Variants in ZDHHC14 observed in about 807,000 individuals in gnomAD.
The protein encoded by ZDHHC14 is zDHHC palmitoyltransferase 14.
ZDHHC14 carries 16 observed loss-of-function variants against 47.7 expected under a neutral mutation model. The observed-to-expected ratio is 0.34, with a 90% CI of 0.23 to 0.51. The LOEUF is 0.51. Among genes scored for constraint, ZDHHC14 ranks in the 20% least tolerant of loss-of-function variants. The pLI, the probability that ZDHHC14 is intolerant of heterozygous loss-of-function variation, is 0.97. For synonymous variants in ZDHHC14, 293 were observed against 278.9 expected (o/e 1.05, Z -0.50); for missense variants, 515 against 662.5 (o/e 0.78, Z 2.44).
At chr6:157,512,214 A>G (rs376756265) in intron 1 of ZDHHC14, among the ~76,000 whole-genome samples, 1 of 152,216 alleles carries the variant, frequency 6.6e-6, no homozygotes, top group South Asian at 2.1e-4. Context: ...ATGGCAAGTA[A>G]GTGTGGAGCC....
chr6:157,590,787 C>A (rs1226871069), intron 2 of ZDHHC14, among the ~76,000 whole-genome samples: 1 of 152,214 alleles, frequency 6.6e-6, no homozygotes, highest in African/African-American at 2.4e-5. Context: ...CCACTGACAT[C>A]TTGCACTGTG....
chr6:157,492,934 G>A (rs1040127123), intron 1 of ZDHHC14, among the ~76,000 whole-genome samples: 2 of 152,176 alleles, frequency 1.3e-5, no homozygotes, highest in Non-Finnish European at 2.9e-5. Flanking sequence ...AGGGAAGGCA[G>A]GGAGGGAAGG....
chr6:157,545,306 A>G (rs998424609), intron 2 of ZDHHC14, among the ~76,000 whole-genome samples: 3 of 152,188 alleles, frequency 2.0e-5, no homozygotes, highest in Admixed American at 1.3e-4. Context: ...TAAATTCACT[A>G]CAAGTCACTG....
intron 1 of ZDHHC14, among the ~76,000 whole-genome samples, chr6:157,397,203 G>T (rs1777538766): frequency 6.6e-6 from 1 of 152,228 alleles, no homozygotes; most frequent in African/African-American, 2.4e-5. Flanking sequence ...CTTAAGTATG[G>T]AAATAAATGG....
chr6:157,541,202 G>T (rs1781751022), intron 1 of ZDHHC14, among the ~76,000 whole-genome samples: 2 of 152,096 alleles, frequency 1.3e-5, no homozygotes, highest in African/African-American at 4.8e-5. Flanking sequence ...ATCTCCTCAT[G>T]CTAGGAAACT....
intron 3 of ZDHHC14, among the ~76,000 whole-genome samples, chr6:157,600,694 C>T (rs1784305322): frequency 6.6e-6 from 1 of 152,246 alleles, no homozygotes; most frequent in Non-Finnish European, 1.5e-5. Flanking sequence ...GCGTGAGCCA[C>T]CGCACCTGGC....
chr6:157,451,790 G>A (rs932217805), intron 1 of ZDHHC14, among the ~76,000 whole-genome samples: 3 of 152,276 alleles, frequency 2.0e-5, no homozygotes, highest in African/African-American at 7.2e-5. Flanking sequence ...GAACTTCTGG[G>A]TTCAAGTGAT....
In ZDHHC14 at chr6:157,569,694, C is replaced by T. The variant is rs183309278; in HGVS notation, c.407-23294C>T. On this transcript the variant is annotated intron_variant, in intron 2 of 8. Coordinates refer to ENST00000359775, the MANE Select transcript of ZDHHC14 (RefSeq NM_024630.3). Reference sequence around the variant, plus strand: ...ATATTTAAAATACTGAATCTTCCACCGCAGGAAGCAGAGTGTCTCTCTGTG... The same window carrying T: ...ATATTTAAAATACTGAATCTTCCACTGCAGGAAGCAGAGTGTCTCTCTGTG... Among the ~76,000 whole-genome samples, 11 of 151,998 alleles carry T rather than the reference C, an allele frequency of 7.2e-5. No individual in the cohort carries two copies. The East Asian group carries it at 1.7e-3, about 24-fold the overall frequency.
At chr6:157,470,891 A>C (rs1273370571) in intron 1 of ZDHHC14, among the ~76,000 whole-genome samples, 1 of 152,146 alleles carries the variant, frequency 6.6e-6, no homozygotes, top group African/African-American at 2.4e-5. Context: ...ATACACACAC[A>C]TGTTATGGTG....
chr6:157,625,313 A>G (rs1171172696), intron 3 of ZDHHC14, among the ~76,000 whole-genome samples: 1 of 152,144 alleles, frequency 6.6e-6, no homozygotes, highest in Non-Finnish European at 1.5e-5. Context: ...AACTGGTCAG[A>G]TAGAGAGTCT....
intron 1 of ZDHHC14, among the ~76,000 whole-genome samples, chr6:157,389,941 A>T (rs1425455916): frequency 6.6e-6 from 1 of 152,186 alleles, no homozygotes; most frequent in Non-Finnish European, 1.5e-5. Flanking sequence ...ATATATATGT[A>T]TGTACATATA....
intron 8 of ZDHHC14, among the ~76,000 whole-genome samples, chr6:157,659,844 A>G (rs628389): frequency 0.3 from 45,936 of 152,158 alleles, 7,663 homozygotes; most frequent in Non-Finnish European, 0.39. Flanking sequence ...CCAATCCCCA[A>G]TTAGACAGAT....
chr6:157,390,627 C>T (rs921388563), intron 1 of ZDHHC14, among the ~76,000 whole-genome samples: 2 of 152,010 alleles, frequency 1.3e-5, no homozygotes, highest in African/African-American at 2.4e-5. Context: ...TAATTCCTGT[C>T]GGGTTGTCTT....
chr6:157,622,104 T>C (rs1044864766), intron 3 of ZDHHC14, among the ~76,000 whole-genome samples: 1 of 151,754 alleles, frequency 6.6e-6, no homozygotes, highest in Non-Finnish European at 1.5e-5. Flanking sequence ...GGGCATGGTG[T>C]TCATGCCTGT....
chr6:157,485,200 C>T (rs376762506), intron 1 of ZDHHC14, among the ~76,000 whole-genome samples: 4 of 152,294 alleles, frequency 2.6e-5, no homozygotes, highest in Admixed American at 1.3e-4. Context: ...CCTGATCACT[C>T]GTGAACTTGT....
chr6:157,397,591 C>A (rs1777547817), intron 1 of ZDHHC14, among the ~76,000 whole-genome samples: 1 of 152,184 alleles, frequency 6.6e-6, no homozygotes, highest in Non-Finnish European at 1.5e-5. Flanking sequence ...CCTGGGCCCA[C>A]CTGGATGACC....
intron 6 of ZDHHC14, among the ~76,000 whole-genome samples, chr6:157,647,038 G>T (rs1777588673): frequency 6.6e-6 from 1 of 152,204 alleles, no homozygotes; most frequent in African/African-American, 2.4e-5. Context: ...ACAAATAAAA[G>T]ATGACTGTCC....
chr6:157,540,888 A>G (rs4349838), intron 1 of ZDHHC14, among the ~76,000 whole-genome samples: 50,852 of 127,202 alleles, frequency 0.4, 10,725 homozygotes, highest in Admixed American at 0.44. Flanking sequence ...ATATGTATGT[A>G]TGTGTGTGTG....
At chr6:157,549,179 G>A (rs1782116179) in intron 2 of ZDHHC14, among the ~76,000 whole-genome samples, 1 of 152,240 alleles carries the variant, frequency 6.6e-6, no homozygotes, top group Admixed American at 6.5e-5. Flanking sequence ...GCTCCCTGGA[G>A]CAGTGGCACT....
Sources: gnomAD v4.1 joint callset for allele counts (sites outside exome capture counted in the v4.1 genomes callset) on GRCh38, gnomAD v4.1.1 for gene constraint, MANE v1.5 for transcripts, NCBI Gene and HGNC (gene_info 2026-07-23, HGNC 2026-07-21) for gene names.